SGSM1: variants seen among roughly 807,000 people sequenced by gnomAD.
SGSM1 encodes small G protein signaling modulator 1.
SGSM1 carries 73 observed loss-of-function variants against 133.8 expected under a neutral mutation model. The ratio of observed to expected loss-of-function variants is 0.55; its 90% confidence interval spans 0.45 to 0.66. The LOEUF is 0.66. Ranked by LOEUF, SGSM1 falls within the 30% of genes least tolerant of loss-of-function variation. The pLI is 0.00. For missense variants in SGSM1, 1,213 were observed against 1,448.1 expected (o/e 0.84, Z 2.64); for synonymous variants, 563 against 573.0 (o/e 0.98, Z 0.25).
intron 2 of SGSM1, among the ~76,000 whole-genome samples, chr22:24,842,084 A>G (rs1569143031): frequency 6.6e-6 from 1 of 152,334 alleles, no homozygotes; most frequent in East Asian, 1.9e-4. Flanking sequence ...CTGTTGCTAC[A>G]TTCCCAAATG....
At chr22:24,885,091 G>GCATGCGCCACCA (rs139717) in intron 15 of SGSM1, among the ~76,000 whole-genome samples, 1 of 151,822 alleles carries the variant, frequency 6.6e-6, no homozygotes, top group African/African-American at 2.4e-5. Context: ...TGGGATTACA[G>GCATGCGCCACCA]TGCCTGGCCA....
At chr22:24,894,875 T>TG (rs1480305511) in intron 17 of SGSM1, among the ~76,000 whole-genome samples, 3 of 150,538 alleles carry the variant, frequency 2.0e-5, no homozygotes, top group Non-Finnish European at 3.0e-5. Flanking sequence ...ACAGGGATCA[T>TG]GGGAAAAAAA....
At chr22:24,827,164 G>T (rs1397891116) in intron 2 of SGSM1, among the ~76,000 whole-genome samples, 1 of 152,068 alleles carries the variant, frequency 6.6e-6, no homozygotes, top group African/African-American at 2.4e-5. Context: ...GCAAGTTAAT[G>T]TGGAACCTGG....
At position 24,917,679 on chromosome 22, in the gene SGSM1, G is replaced by C. The variant is rs1321179024; in HGVS notation, c.2950G>C (p.Glu984Gln). Residue 984 changes from glutamate to glutamine, a missense_variant, in exon 23 of 25, where the codon GAG (glutamate) becomes CAG (glutamine). By Grantham distance (29) the Glu-to-Gln change is conservative (BLOSUM62 2). Transcript: ENST00000400358. ...ACAGATCCTGGACTCAGAGCTGTTT[G>C]AGCTGATGCATCAGAACGGGGACTA... The part of the protein sequence containing the change: ...LIQILDSELF[E>Q]LMHQNGDYTH... The C allele has an allele frequency of 1.2e-6, 2 of 1,613,898 alleles. No homozygotes were observed. Among genetic ancestry groups the C allele is most frequent in the African/African-American group, 2.7e-5 (2 of 75,038 alleles).
chr22:24,845,183 C>T (rs186753934), intron 3 of SGSM1, among the ~76,000 whole-genome samples: 81 of 152,164 alleles, frequency 5.3e-4, no homozygotes, highest in African/African-American at 1.9e-3. Flanking sequence ...TGGTTAACAC[C>T]AGAGGGGTTG....
intron 24 of SGSM1, among the ~76,000 whole-genome samples, chr22:24,922,995 G>T (rs1241181771): frequency 6.6e-6 from 1 of 152,160 alleles, no homozygotes; most frequent in Non-Finnish European, 1.5e-5. Flanking sequence ...CAGCGTGATG[G>T]TGCATACCTG....
At chr22:24,860,914 A>ATATATATATAT (rs1324268163) in intron 9 of SGSM1, among the ~76,000 whole-genome samples, 57 of 95,828 alleles carry the variant, frequency 5.9e-4, no homozygotes, top group Non-Finnish European at 8.8e-4. Context: ...AAAAAAAAAA[A>ATATATATATAT]AAAAAAAAAT....
At chr22:24,915,229 AAAAT>A (rs55876996) in intron 22 of SGSM1, among the ~76,000 whole-genome samples, 50,597 of 151,054 alleles carry the variant, frequency 0.33, 8,909 homozygotes, top group East Asian at 0.56. Flanking sequence ...ACTCCGTCTC[AAAAT>A]AAATAAATAA....
At chr22:24,830,281 T>C (rs1929036968) in intron 2 of SGSM1, among the ~76,000 whole-genome samples, 1 of 152,190 alleles carries the variant, frequency 6.6e-6, no homozygotes, top group Non-Finnish European at 1.5e-5. Flanking sequence ...AGGTCTTCAC[T>C]TGGATCCCGA....
chr22:24,807,384 G>A (rs1352257669), intron 2 of SGSM1, among the ~76,000 whole-genome samples: 1 of 152,116 alleles, frequency 6.6e-6, no homozygotes, highest in East Asian at 1.9e-4. Context: ...GTATCTATGT[G>A]TGTCTTTGTA....
intron 10 of SGSM1, among the ~76,000 whole-genome samples, chr22:24,868,041 T>C (rs1296239939): frequency 6.6e-6 from 1 of 152,024 alleles, no homozygotes; most frequent in Non-Finnish European, 1.5e-5. Context: ...AAGGCCTCCA[T>C]ACAAAAATAG....
chr22:24,889,987 T>C (rs946786778), intron 16 of SGSM1, among the ~76,000 whole-genome samples: 140 of 144,598 alleles, frequency 9.7e-4, no homozygotes, highest in Non-Finnish European at 1.8e-3. Context: ...GACGGAGTCT[T>C]GCTCTGTCGC....
At chr22:24,876,344 T>C (rs970268500) in intron 12 of SGSM1, among the ~76,000 whole-genome samples, 1 of 148,728 alleles carries the variant, frequency 6.7e-6, no homozygotes, top group Non-Finnish European at 1.5e-5. Context: ...CTGTGTCCTC[T>C]TCTTCTCTCT....
intron 14 of SGSM1, among the ~76,000 whole-genome samples, chr22:24,883,175 A>T (rs1454362769): frequency 1.3e-5 from 2 of 151,678 alleles, no homozygotes; most frequent in Admixed American, 1.3e-4. Context: ...AAGTGTTGGG[A>T]TTACAGGCAT....
chr22:24,899,295 TATC>T (rs1933036141), intron 19 of SGSM1, among the ~76,000 whole-genome samples: 1 of 152,060 alleles, frequency 6.6e-6, no homozygotes, highest in Admixed American at 6.6e-5. Context: ...CATTTAGACA[TATC>T]ATGTTTTTCA....
Position 24,898,527 on chromosome 22 carries a change from T to C in SGSM1, c.2578T>C (p.Ser860Pro). 2 of 1,611,158 alleles carry C rather than the reference T, an allele frequency of 1.2e-6. 1 individual carries two copies. Among genetic ancestry groups the C allele is most frequent in the Non-Finnish European group, 1.7e-6 (2 of 1,178,244 alleles). ...LAVTTSANEV[S>P]PVSSSGVTYS... ...TGTGACTACTTCTGCCAACGAGGTG[T>C]CCCCTGTGTCTTCCAGCGGCGTCAC... The change falls in exon 19 of 25, where the codon TCC becomes CCC. Residue 860 changes from serine (S) to proline (P), a missense_variant. Ser to Pro is a moderately conservative substitution (Grantham distance 74). Transcript: ENST00000400358.
intron 12 of SGSM1, among the ~76,000 whole-genome samples, chr22:24,870,005 G>A (rs11703103): frequency 0.34 from 51,563 of 152,096 alleles, 10,738 homozygotes; most frequent in Non-Finnish European, 0.47. Flanking sequence ...AACATGGAGC[G>A]GCCCTCATGT....
rs906212424 is a variant in SGSM1 at position 24,914,483 on chromosome 22, A to C, written c.2928+1731A>C. ...AGAGCGAGACTCTGTCCCCCCCCCC[A>C]AAAAAAAATTAACCATAGATTTTTC... On this transcript the variant is annotated intron_variant, in intron 22 of 24. Transcript: ENST00000400358. Among the ~76,000 whole-genome samples, 282 of 147,468 alleles carry C rather than the reference A, an allele frequency of 1.9e-3. 2 individuals carry two copies. Among genetic ancestry groups the C allele is most frequent in the African/African-American group, 6.1e-3 (243 of 39,858 alleles).
chr22:24,905,859 A>G (rs1933359198), intron 21 of SGSM1, among the ~76,000 whole-genome samples: 1 of 152,070 alleles, frequency 6.6e-6, no homozygotes. Flanking sequence ...TCAAAAACGT[A>G]GAAAAGGAAG....
Sources: gnomAD v4.1 joint callset for allele counts (sites outside exome capture counted in the v4.1 genomes callset) on GRCh38, gnomAD v4.1.1 for gene constraint, MANE v1.5 for transcripts, NCBI Gene and HGNC (gene_info 2026-07-23, HGNC 2026-07-21) for gene names.